The following SLC35F4 variants were observed in gnomAD, a reference collection of about 807,000 sequenced individuals.
The protein encoded by SLC35F4 is chromosome 14 open reading frame 36.
In SLC35F4, 24 loss-of-function variants were observed where a neutral mutation model predicts 44.2. The ratio of observed to expected loss-of-function variants is 0.54; its 90% confidence interval spans 0.39 to 0.76. SLC35F4 has a LOEUF of 0.76. Among genes scored for constraint, SLC35F4 ranks in the 30% least tolerant of loss-of-function variants. The pLI, the probability that SLC35F4 is intolerant of heterozygous loss-of-function variation, is 0.00. For missense variants in SLC35F4, 562 were observed against 586.1 expected, an observed-to-expected ratio of 0.96 and a Z score of 0.42; for synonymous variants, 238 against 223.6, an observed-to-expected ratio of 1.06 and a Z score of -0.57.
chr14:57,799,860 C>G (rs1566864896), intron 1 of SLC35F4, among the ~76,000 whole-genome samples: 1 of 152,164 alleles, frequency 6.6e-6, no homozygotes, highest in African/African-American at 2.4e-5. Flanking sequence ...TCTGATCTCT[C>G]CCTGAGATGG....
At chr14:57,904,667 T>G (rs960293106) in intron 1 of SLC35F4, among the ~76,000 whole-genome samples, 1 of 152,208 alleles carries the variant, frequency 6.6e-6, no homozygotes, top group African/African-American at 2.4e-5. Context: ...TTTTTTTACA[T>G]GTATCATCTT....
At chr14:57,833,166 A>T (rs1392223084) in intron 1 of SLC35F4, among the ~76,000 whole-genome samples, 2 of 152,154 alleles carry the variant, frequency 1.3e-5, no homozygotes, top group African/African-American at 4.8e-5. Context: ...CACCATCATC[A>T]TCCTTGTTAT....
intron 1 of SLC35F4, among the ~76,000 whole-genome samples, chr14:57,668,943 T>C (rs1455994841): frequency 1.2e-4 from 18 of 152,236 alleles, no homozygotes; most frequent in African/African-American, 4.3e-4. Flanking sequence ...TTCACAATAT[T>C]GATTCTTCCT....
chr14:57,810,401 A>C (rs1294563976), intron 1 of SLC35F4, among the ~76,000 whole-genome samples: 1 of 152,248 alleles, frequency 6.6e-6, no homozygotes, highest in East Asian at 1.9e-4. Flanking sequence ...TATTGCGTGT[A>C]TCCCTGTGGA....
chr14:57,573,621 T>C (rs1194835156), intron 4 of SLC35F4, among the ~76,000 whole-genome samples: 1 of 151,980 alleles, frequency 6.6e-6, no homozygotes, highest in African/African-American at 2.4e-5. Flanking sequence ...AGTGAGGGGG[T>C]TATCTAGACC....
chr14:57,618,015 T>G (rs1293805763), intron 1 of SLC35F4, among the ~76,000 whole-genome samples: 1 of 152,212 alleles, frequency 6.6e-6, no homozygotes, highest in Non-Finnish European at 1.5e-5. Flanking sequence ...TGATGGTGTC[T>G]TATGATGAGA....
chr14:57,912,733 T>C (rs1016083315), intron 1 of SLC35F4, among the ~76,000 whole-genome samples: 2 of 152,076 alleles, frequency 1.3e-5, no homozygotes, highest in Admixed American at 1.3e-4. Flanking sequence ...TAGAATAATG[T>C]GAAATCTGCT....
intron 1 of SLC35F4, among the ~76,000 whole-genome samples, chr14:57,895,401 A>G (rs1888849742): frequency 1.3e-5 from 2 of 152,058 alleles, no homozygotes; most frequent in South Asian, 2.1e-4. Flanking sequence ...AGTAAGTGAT[A>G]TGGTTTGGAT....
chr14:57,828,474 A>C (rs1884021773), intron 1 of SLC35F4, among the ~76,000 whole-genome samples: 1 of 152,218 alleles, frequency 6.6e-6, no homozygotes, highest in Non-Finnish European at 1.5e-5. Context: ...GGGAATTTAA[A>C]AATTCAGGCA....
chr14:57,734,951 T>C (rs932881117), intron 1 of SLC35F4, among the ~76,000 whole-genome samples: 4 of 152,196 alleles, frequency 2.6e-5, no homozygotes, highest in Non-Finnish European at 5.9e-5. Flanking sequence ...ACTTCCAATA[T>C]ACTCTCCCAG....
At chr14:57,890,155 G>A (rs540167633) in intron 1 of SLC35F4, among the ~76,000 whole-genome samples, 16 of 136,544 alleles carry the variant, frequency 1.2e-4, no homozygotes, top group African/African-American at 3.9e-4. Flanking sequence ...TTGCATTGCT[G>A]TCCTTCATGA....
chr14:57,805,799 T>A (rs1265233907), intron 1 of SLC35F4, among the ~76,000 whole-genome samples: 1 of 152,138 alleles, frequency 6.6e-6, no homozygotes, highest in African/African-American at 2.4e-5. Context: ...AAACAAAAGT[T>A]TGTAAAAATT....
chr14:57,882,478 C>A (rs1340761065), intron 1 of SLC35F4, among the ~76,000 whole-genome samples: 1 of 152,166 alleles, frequency 6.6e-6, no homozygotes, highest in African/African-American at 2.4e-5. Flanking sequence ...TTTTACTTCA[C>A]TGACATTATA....
At chr14:57,924,300 C>T (rs1889503351) in intron 1 of SLC35F4, among the ~76,000 whole-genome samples, 1 of 152,112 alleles carries the variant, frequency 6.6e-6, no homozygotes, top group Admixed American at 6.5e-5. Flanking sequence ...AAGTATGACA[C>T]CAGCATCCAT....
At chr14:57,701,726 T>C (rs1422985935) in intron 1 of SLC35F4, among the ~76,000 whole-genome samples, 1 of 152,190 alleles carries the variant, frequency 6.6e-6, no homozygotes, top group East Asian at 1.9e-4. Context: ...AAAGTTTAAT[T>C]TATAAATTAG....
intron 1 of SLC35F4, among the ~76,000 whole-genome samples, chr14:57,619,994 A>G (rs1813767806): frequency 6.6e-6 from 1 of 152,152 alleles, no homozygotes; most frequent in Admixed American, 6.5e-5. Flanking sequence ...ATTAGTGAAA[A>G]AAGAATGAAA....
intron 1 of SLC35F4, among the ~76,000 whole-genome samples, chr14:57,862,036 A>G (rs1482886441): frequency 6.6e-6 from 1 of 152,158 alleles, no homozygotes; most frequent in Non-Finnish European, 1.5e-5. Flanking sequence ...TACATTTAGT[A>G]TCTCTAAAAC....
chr14:57,753,668 G>C (rs922013119), intron 1 of SLC35F4, among the ~76,000 whole-genome samples: 3 of 152,092 alleles, frequency 2.0e-5, no homozygotes, highest in African/African-American at 7.2e-5. Context: ...ACCACTTTGA[G>C]GGCAGCACCA....
chr14:57,629,337 A>G (rs2072647590), intron 1 of SLC35F4, among the ~76,000 whole-genome samples: 1 of 152,168 alleles, frequency 6.6e-6, no homozygotes. Context: ...ACAGTGGGAA[A>G]CTATGAGAAA....
Sources: gnomAD v4.1 joint callset for allele counts (sites outside exome capture counted in the v4.1 genomes callset) on GRCh38, gnomAD v4.1.1 for gene constraint, MANE v1.5 for transcripts, NCBI Gene and HGNC (gene_info 2026-07-23, HGNC 2026-07-21) for gene names.